DNMT1: variants seen among roughly 807,000 people sequenced by gnomAD.
The protein encoded by DNMT1 is DNA (cytosine-5)-methyltransferase 1.
Under a neutral mutation model 205.3 loss-of-function variants are expected in DNMT1, and 24 were observed. That is an observed-to-expected ratio of 0.12 (90% CI 0.08 to 0.16). The LOEUF is 0.16. Among genes scored for constraint, DNMT1 ranks in the 10% least tolerant of loss-of-function variants. The probability of loss-of-function intolerance (pLI) is 1.00; values close to 1 mark genes in which losing one functional copy is unlikely to be tolerated. For missense variants in DNMT1, 1,293 were observed against 2,177.7 expected (o/e 0.59, Z 8.09); for synonymous variants, 817 against 839.8 (o/e 0.97, Z 0.47).
At position 10,144,050 on chromosome 19, in the gene DNMT1, G is replaced by C. The variant is rs909613996; in HGVS notation, c.2895-63C>G. The C allele has an allele frequency of 2.7e-5, 40 of 1,507,350 alleles. No individual in the cohort carries two copies. The Middle Eastern group carries it at 6.6e-4, about 25-fold the overall frequency. The allele number at this position is 1,507,350 out of a possible 1,614,324, so 93.4% of individuals were successfully genotyped here. A position where few individuals can be genotyped will look rare whatever the true frequency, so the allele number is the denominator to read the frequency against. ...CACCTTGCAGTGGTCAGTCAGGCAT[G>C]ACTGACCAGTGAAAATAACCATTTA... On this transcript the variant is annotated intron_variant, in intron 28 of 40. Transcript: ENST00000359526.
At chr19:10,141,601 A>C in intron 30 of DNMT1, 1 of 338,752 alleles carries the variant, frequency 3.0e-6, no homozygotes. Context: ...CCTCTCCATA[A>C]CGAGGGCCAC....
intron 12 of DNMT1, 136 bp downstream of exon 12, chr19:10,163,190 C>A: frequency 4.1e-6 from 4 of 964,046 alleles, no homozygotes; most frequent in Non-Finnish European, 6.7e-6. Context: ...TGGTCTCGAA[C>A]TCCTGACCTC....
At chr19:10,188,210 G>C (rs73013069) in intron 1 of DNMT1, among the ~76,000 whole-genome samples, 5,377 of 152,238 alleles carry the variant, frequency 0.035, 139 homozygotes, top group Non-Finnish European at 0.054. Context: ...ATGGCAGCTG[G>C]AGCAGGGCTG....
At chr19:10,147,368 T>C (rs1362755745) in intron 27 of DNMT1, among the ~76,000 whole-genome samples, 1 of 152,234 alleles carries the variant, frequency 6.6e-6, no homozygotes, top group Non-Finnish European at 1.5e-5. Context: ...CCCAGCACTT[T>C]AGGAGCCTGA....
intron 4 of DNMT1, 37 bp from the exon 5 acceptor site, chr19:10,180,271 C>A: frequency 3.2e-6 from 5 of 1,554,850 alleles, no homozygotes; most frequent in East Asian, 2.3e-5. Context: ...GAGGTTACAC[C>A]ACTGTGCTCC....
At chr19:10,149,813 A>T (rs367717541) in intron 25 of DNMT1, 40 bp downstream of exon 25, 2 of 1,610,704 alleles carry the variant, frequency 1.2e-6, no homozygotes, top group African/African-American at 2.7e-5. Flanking sequence ...ACTTGATGAG[A>T]AAGTGCATGC....
intron 1 of DNMT1, among the ~76,000 whole-genome samples, chr19:10,191,507 T>C (rs927327923): frequency 3.3e-5 from 5 of 152,044 alleles, no homozygotes; most frequent in Non-Finnish European, 7.3e-5. Flanking sequence ...CCAGGGTCAG[T>C]GGTGGATTGT....
rs188038113 is a variant in DNMT1 at position 10,157,063 on chromosome 19, G to A, written c.1281-554C>T. Among the ~76,000 whole-genome samples the A allele has an allele frequency of 4.6e-3, 700 of 152,264 alleles. 2 individuals are homozygous for A. The highest frequency in any genetic ancestry group is 0.014 in the Middle Eastern group (4 of 294). On this transcript the variant is annotated intron_variant, in intron 17 of 40. Transcript: ENST00000359526. ...AAGATCAGTCAGACTTACAGTGCGGGAAATACCGGTTTCTAGAACACCTTC... is the reference window on the plus strand; with the variant it reads ...AAGATCAGTCAGACTTACAGTGCGGAAAATACCGGTTTCTAGAACACCTTC...
chr19:10,181,108 T>A (rs926390630), intron 2 of DNMT1, among the ~76,000 whole-genome samples: 1 of 152,042 alleles, frequency 6.6e-6, no homozygotes, highest in South Asian at 2.1e-4. Flanking sequence ...AAGCTGGAGG[T>A]GAGATGGAGA....
At chr19:10,190,576 A>C (rs1220161421) in intron 1 of DNMT1, among the ~76,000 whole-genome samples, 2 of 151,986 alleles carry the variant, frequency 1.3e-5, no homozygotes, top group African/African-American at 4.8e-5. Context: ...CAGCCTGGCC[A>C]ACACGGTAAA....
rs745479250 is a variant in DNMT1 at position 10,173,933 on chromosome 19, AG to A, written c.649-29del. The stretch of plus-strand genomic sequence containing the variant: ...GTGTGGAGGGAAGGAAGAACAAAAA[AG>A]ATTAGAATACTGGTTTCAAGGGAAG... On this transcript the variant is annotated intron_variant, in intron 7 of 40. Coordinates refer to ENST00000359526, the MANE Select transcript of DNMT1 (RefSeq NM_001130823.3). The A allele has an allele frequency of 5.0e-6, 8 of 1,611,400 alleles. No homozygotes were observed. In the South Asian group the frequency reaches 6.6e-5, roughly 13 times the overall value.
chr19:10,139,116 G>A (rs1469978079), intron 34 of DNMT1, among the ~76,000 whole-genome samples: 1 of 152,204 alleles, frequency 6.6e-6, no homozygotes, highest in Non-Finnish European at 1.5e-5. Context: ...CTCAATTGCT[G>A]AGCTGATACA....
Position 10,137,478 on chromosome 19 carries a change from G to A in DNMT1, c.4294-198C>T, listed in dbSNP as rs184657709. 1.0e-4 allele frequency: 69 copies of A among 690,500 alleles called. No individual in the cohort carries two copies. Among genetic ancestry groups the A allele is most frequent in the African/African-American group, 5.4e-5 (3 of 55,994 alleles). 42.8% of individuals were successfully genotyped at this position (690,500 alleles called of 1,614,324 possible). A position where few individuals can be genotyped will look rare whatever the true frequency, so the allele number is the denominator to read the frequency against. On this transcript the variant is annotated intron_variant, in intron 36 of 40. Coordinates refer to ENST00000359526, the MANE Select transcript of DNMT1 (RefSeq NM_001130823.3). The surrounding 1 kb of genome is among the most constrained non-coding windows in gnomAD (Gnocchi z 6.4). ...TGAGGCAGCGCAGGTGTAGGAGAGC[G>A]TGGGAATCTAAGCTGAGCCTTTAGG...
At chr19:10,192,812 G>A (rs1460261301) in intron 1 of DNMT1, among the ~76,000 whole-genome samples, 3 of 152,062 alleles carry the variant, frequency 2.0e-5, no homozygotes, top group Non-Finnish European at 4.4e-5. Flanking sequence ...ACTTTGGGAG[G>A]CTGAGGCAGG....
At chr19:10,160,152 C>T in intron 14 of DNMT1, 89 bp from the exon 15 acceptor site, 3 of 1,598,678 alleles carry the variant, frequency 1.9e-6, no homozygotes, top group Admixed American at 3.4e-5. Context: ...GCCTGAGGTG[C>T]CTGTGGCACA....
intron 37 of DNMT1, among the ~76,000 whole-genome samples, chr19:10,136,585 G>A (rs1428785350): frequency 1.3e-5 from 2 of 151,822 alleles, no homozygotes; most frequent in African/African-American, 2.4e-5. Flanking sequence ...ATAGGCGTGC[G>A]ACACCACGCC....
At chr19:10,153,123 TAAG>T (rs1455388356) in intron 22 of DNMT1, among the ~76,000 whole-genome samples, 8 of 152,048 alleles carry the variant, frequency 5.3e-5, no homozygotes, top group African/African-American at 1.9e-4. Context: ...AGATCAAAGT[TAAG>T]AATACACACC....
At position 10,159,815 on chromosome 19, in the gene DNMT1, G is replaced by A. The variant is rs1250715148; in HGVS notation, c.1170+27C>T. 1.2e-6 allele frequency: 2 copies of A among 1,614,112 alleles called. No individual in the cohort carries two copies. The highest frequency in any genetic ancestry group is 1.7e-6 in the Non-Finnish European group (2 of 1,180,048). ...GCAGTGGGACAAGGGACAGGCAGAG[G>A]AAGGCTGGGAAGAGAGCTGTACGTA... On this transcript the variant is annotated intron_variant, in intron 16 of 40. Coordinates refer to ENST00000359526, the MANE Select transcript of DNMT1 (RefSeq NM_001130823.3). The surrounding 1 kb of genome is among the most constrained non-coding windows in gnomAD (Gnocchi z 5.0).
In DNMT1 at chr19:10,186,838, C is replaced by CAAAAAAAAAAAAAAAAA. The variant is rs35238334; in HGVS notation, c.81-4778_81-4762dup. Among the ~76,000 whole-genome samples, 113 of 70,674 alleles carry CAAAAAAAAAAAAAAAAA rather than the reference C, an allele frequency of 1.6e-3. 2 individuals carry two copies. The highest frequency in any genetic ancestry group is 5.1e-3 in the African/African-American group (86 of 16,966). The allele number at this position is 70,674 out of a possible 152,430, so 46.4% of individuals were successfully genotyped here. A position where few individuals can be genotyped will look rare whatever the true frequency, so the allele number is the denominator to read the frequency against. ...GGACAACAAGAGTGAAACTCCGTCT[C>CAAAAAAAAAAAAAAAAA]AAAAAAAAAAAAAAAAAAAAAGATA... On this transcript the variant is annotated intron_variant, in intron 1 of 40. Coordinates refer to ENST00000359526, the MANE Select transcript of DNMT1 (RefSeq NM_001130823.3).
Sources: gnomAD v4.1 joint callset for allele counts (sites outside exome capture counted in the v4.1 genomes callset) on GRCh38, gnomAD v4.1.1 for gene constraint, Gnocchi (gnomAD v3.1) non-coding constraint, MANE v1.5 for transcripts, NCBI Gene and HGNC (gene_info 2026-07-23, HGNC 2026-07-21) for gene names.